The following LY75 variants were observed in gnomAD, a reference collection of about 807,000 sequenced individuals.
LY75 encodes the protein C-type lectin domain family 13 member B.
LY75 carries 185 observed loss-of-function variants against 231.7 expected under a neutral mutation model. That is an observed-to-expected ratio of 0.80 (90% CI 0.71 to 0.90). The LOEUF (loss-of-function observed/expected upper bound fraction) is 0.90, where lower values mean the gene tolerates loss of function less well. Among genes scored for constraint, LY75 ranks in the 40% least tolerant of loss-of-function variants. The pLI is 0.00. For missense variants in LY75, 1,947 were observed against 2,050.2 expected (o/e 0.95, Z 0.97); for synonymous variants, 668 against 689.0 (o/e 0.97, Z 0.48).
Position 159,853,677 on chromosome 2 carries a change from C to T in LY75, c.2616G>A (p.Lys872=). 1.2e-6 allele frequency: 2 copies of T among 1,613,584 alleles called. No homozygotes were observed. Among genetic ancestry groups the T allele is most frequent in the African/African-American group, 1.3e-5 (1 of 75,034 alleles). The change falls in exon 19 of 35, where the codon AAG becomes AAA. Residue 872 remains lysine (K), a synonymous_variant. Transcript: ENST00000263636. ...KIANISGDGQ[K]WWIRISEWPI... ...GCCACTCGCTAATTCTTATCCACCA[C>T]TTCTGTCCATCACCAGATATCTGAA...
intron 31 of LY75, among the ~76,000 whole-genome samples, chr2:159,814,809 A>G (rs1683067497): frequency 6.6e-6 from 1 of 151,970 alleles, no homozygotes; most frequent in South Asian, 2.1e-4. Flanking sequence ...CCTTTTTTGA[A>G]ATAAGCATCT....
intron 4 of LY75, among the ~76,000 whole-genome samples, chr2:159,888,680 A>C (rs1685666086): frequency 6.6e-6 from 1 of 152,350 alleles, no homozygotes; most frequent in South Asian, 2.1e-4. Context: ...TAAAGCTTAC[A>C]GCTTTGTGCA....
At position 159,803,914 on chromosome 2, in the gene LY75, A is replaced by T. The variant is rs1351719036; in HGVS notation, c.*1130T>A. 1 of 152,240 alleles carries T rather than the reference A, an allele frequency of 6.6e-6. No individual in the cohort carries two copies. Among genetic ancestry groups the T allele is most frequent in the Non-Finnish European group, 1.5e-5 (1 of 68,028 alleles). The allele number at this position is 152,240 out of a possible 1,614,324, so 9.4% of individuals were successfully genotyped here. Reference sequence around the variant, plus strand: ...AAACAAAATTCTTAGTCAAAAGTTGACATGCTATGTGAAGCATATAAATTG... The same window carrying T: ...AAACAAAATTCTTAGTCAAAAGTTGTCATGCTATGTGAAGCATATAAATTG... On this transcript the variant is annotated 3_prime_UTR_variant, in exon 35 of 35. Transcript: ENST00000263636.
intron 28 of LY75, among the ~76,000 whole-genome samples, chr2:159,829,474 A>C (rs1365715486): frequency 6.6e-6 from 1 of 151,974 alleles, no homozygotes; most frequent in African/African-American, 2.4e-5. Flanking sequence ...CTATTGAAAA[A>C]TCAAAAATGT....
At chr2:159,862,118 G>A (rs1254785218) in intron 14 of LY75, among the ~76,000 whole-genome samples, 1 of 152,048 alleles carries the variant, frequency 6.6e-6, no homozygotes, top group Non-Finnish European at 1.5e-5. Flanking sequence ...GGCCAATATG[G>A]TGAAACCCCA....
intron 16 of LY75, 132 bp downstream of exon 16, chr2:159,858,230 A>G: frequency 1.8e-6 from 2 of 1,129,500 alleles, no homozygotes; most frequent in Non-Finnish European, 2.4e-6. Context: ...GGTGCTCCAC[A>G]TATTAATTGC....
intron 13 of LY75, among the ~76,000 whole-genome samples, chr2:159,867,478 C>T (rs1684891018): frequency 6.6e-6 from 1 of 152,126 alleles, no homozygotes; most frequent in African/African-American, 2.4e-5. Flanking sequence ...CTGAGATTCC[C>T]TCTCTCTCTT....
chr2:159,879,393 T>C (rs749826879), intron 8 of LY75, 24 bp from the exon 9 acceptor site: 2 of 1,611,586 alleles, frequency 1.2e-6, no homozygotes, highest in South Asian at 2.2e-5. Flanking sequence ...CAAAAACATT[T>C]GCTTGGAAAG....
At position 159,885,271 on chromosome 2, in the gene LY75, T is replaced by C; in HGVS notation, c.936A>G (p.Ile312Met). ...WDPDRPSAPTIGGSSCARMDA... is the reference protein window; with the variant it reads ...WDPDRPSAPTMGGSSCARMDA... ...CCATTCTTGCACAGCTGGAGCCACC[T>C]ATAGTAGGTGCACTGGGCCTGTCTT... The change falls in exon 6 of 35, where the codon ATA becomes ATG. Residue 312 changes from isoleucine to methionine, a missense_variant. Coordinates refer to ENST00000263636, the MANE Select transcript of LY75 (RefSeq NM_002349.4). The C allele has an allele frequency of 6.2e-7, 1 of 1,613,482 alleles. No homozygotes were observed. Among genetic ancestry groups the C allele is most frequent in the Non-Finnish European group, 8.5e-7 (1 of 1,179,576 alleles).
intron 23 of LY75, among the ~76,000 whole-genome samples, chr2:159,842,957 C>CA (rs143972949): frequency 0.25 from 37,631 of 149,166 alleles, 6,211 homozygotes; most frequent in Non-Finnish European, 0.38. Flanking sequence ...GAGATACTGA[C>CA]AAAAAAAAAT....
At chr2:159,818,438 G>A (rs965626515) in intron 29 of LY75, among the ~76,000 whole-genome samples, 9 of 152,296 alleles carry the variant, frequency 5.9e-5, no homozygotes, top group Non-Finnish European at 8.8e-5. Flanking sequence ...ACTGAGGGAC[G>A]TTCTACCAAA....
intron 5 of LY75, among the ~76,000 whole-genome samples, chr2:159,885,602 C>T (rs1685560138): frequency 6.6e-6 from 1 of 152,116 alleles, no homozygotes. Context: ...TAATCTGCTA[C>T]TCCATAAAAT....
chr2:159,831,838 T>C (rs1683671387), intron 27 of LY75, 52 bp from the exon 28 acceptor site: 1 of 1,452,228 alleles, frequency 6.9e-7, no homozygotes, highest in South Asian at 1.3e-5. Flanking sequence ...TCTAGTACAC[T>C]TCTATTTGAT....
rs142090304 is a variant in LY75, at chr2:159,808,597, T to C, written c.4700-26A>G. 3.3e-4 allele frequency: 539 copies of C among 1,611,040 alleles called. 1 individual carries two copies. In the African/African-American group the frequency reaches 6.6e-3, roughly 20 times the overall value. ...CTGTTGAAAGAAAACACATTCTCAA[T>C]TAGCTTTATGGAAACTAGAGAAGTA... On this transcript the variant is annotated intron_variant, in intron 32 of 34. Coordinates refer to ENST00000263636, the MANE Select transcript of LY75 (RefSeq NM_002349.4).
At position 159,834,223 on chromosome 2, in the gene LY75, G is replaced by A. The variant is rs1683753173; in HGVS notation, c.3674-12C>T. The A allele has an allele frequency of 1.9e-6, 3 of 1,612,690 alleles. No homozygotes were observed. Among genetic ancestry groups the A allele is most frequent in the Non-Finnish European group, 2.5e-6 (3 of 1,179,582 alleles). The stretch of plus-strand genomic sequence containing the variant: ...TTTTTCAGTCTCATCTAGAAAAAGA[G>A]TTAATGGTAAGAATTCTAATTTGAG... On this transcript the variant is annotated splice_polypyrimidine_tract_variant and intron_variant, in intron 26 of 34. Transcript: ENST00000263636.
intron 4 of LY75, 83 bp from the exon 5 acceptor site, chr2:159,886,613 C>G (rs1685594642): frequency 1.5e-6 from 2 of 1,354,426 alleles, no homozygotes; most frequent in Non-Finnish European, 2.0e-6. Flanking sequence ...TAATAACAAA[C>G]AAATCTGCAG....
At chr2:159,861,770 A>T (rs2125861011) in intron 14 of LY75, among the ~76,000 whole-genome samples, 1 of 152,300 alleles carries the variant, frequency 6.6e-6, no homozygotes, top group African/African-American at 2.4e-5. Context: ...AAGATATTTT[A>T]TTTTTTGTAT....
Position 159,849,574 on chromosome 2 carries a change from C to T in LY75, c.3150+406G>A, listed in dbSNP as rs529348816. ...GAAATAAGTGCTATGGAATCTGATGCTACTGTGAAAAACCAGTACATCCAT... is the reference window on the plus strand; with the variant it reads ...GAAATAAGTGCTATGGAATCTGATGTTACTGTGAAAAACCAGTACATCCAT... On this transcript the variant is annotated intron_variant, in intron 23 of 34. Transcript: ENST00000263636. Among the ~76,000 whole-genome samples, 44 of 152,300 alleles carry T rather than the reference C, an allele frequency of 2.9e-4. 1 individual carries two copies. Among genetic ancestry groups the T allele is most frequent in the Middle Eastern group, 3.4e-3 (1 of 294 alleles).
chr2:159,852,237 C>T lies in LY75; in HGVS notation c.2847G>A (p.Val949=). 6.2e-7 allele frequency: 1 copy of T among 1,613,976 alleles called. No homozygotes were observed. Among genetic ancestry groups the T allele is most frequent in the Non-Finnish European group, 8.5e-7 (1 of 1,179,956 alleles). Residue 949 remains valine (V), a synonymous_variant, in exon 21 of 35, where the codon GTG becomes GTA. Transcript: ENST00000263636. ...EKYSPDSAAK[V]QCSEQWIPFQ... The stretch of plus-strand genomic sequence containing the variant: ...AAGGAATCCATTGCTCAGAACATTG[C>T]ACTTTAGCTGCAGAATCTGGGCTGT...
Sources: gnomAD v4.1 joint callset for allele counts (sites outside exome capture counted in the v4.1 genomes callset) on GRCh38, gnomAD v4.1.1 for gene constraint, MANE v1.5 for transcripts, NCBI Gene and HGNC (gene_info 2026-07-23, HGNC 2026-07-21) for gene names.